The following EYS variants were observed in gnomAD, a reference collection of about 807,000 sequenced individuals.
EYS encodes EGF-like photoreceptor maintenance factor, also known as protein eyes shut homolog.
A neutral mutation model predicts 282.1 loss-of-function variants in EYS; 250 were observed. The observed-to-expected ratio is 0.89, with a 90% CI of 0.80 to 0.98. EYS has a LOEUF of 0.98. Ranked by LOEUF, EYS falls within the 50% of genes least tolerant of loss-of-function variation. The pLI, the probability that EYS is intolerant of heterozygous loss-of-function variation, is 0.00. For missense variants in EYS, 4,016 were observed against 3,709.0 expected (o/e 1.08, Z -2.15); for synonymous variants, 1,355 against 1,282.9 (o/e 1.06, Z -1.20).
Position 64,681,665 on chromosome 6 carries a change from G to A in EYS, c.3444-55420C>T, listed in dbSNP as rs184264140. On this transcript the variant is annotated intron_variant, in intron 22 of 42. Coordinates refer to ENST00000503581, the MANE Select transcript of EYS (RefSeq NM_001142800.2). ...TCCCAACATTTTGGGAGGCTGAGGC[G>A]GGCGCATCACAAGGTCAGGATGTTG... Among the ~76,000 whole-genome samples, 20 of 152,176 alleles carry A rather than the reference G, an allele frequency of 1.3e-4. No homozygotes were observed. In the East Asian group the frequency reaches 2.9e-3, roughly 22 times the overall value.
At chr6:64,028,467 G>A (rs535798374) in intron 33 of EYS, among the ~76,000 whole-genome samples, 22 of 152,324 alleles carry the variant, frequency 1.4e-4, no homozygotes, top group Admixed American at 1.2e-3. Flanking sequence ...TAATGAGGCA[G>A]TAATTCCTCT....
At chr6:64,709,243 A>G (rs1771129278) in intron 22 of EYS, among the ~76,000 whole-genome samples, 3 of 152,164 alleles carry the variant, frequency 2.0e-5, no homozygotes, top group Non-Finnish European at 4.4e-5. Flanking sequence ...GAAAATGTGA[A>G]ATCCTTACAA....
intron 18 of EYS, 110 bp from the exon 19 acceptor site, chr6:64,886,952 A>C: frequency 6.9e-6 from 5 of 723,310 alleles, no homozygotes; most frequent in Non-Finnish European, 8.4e-6. Flanking sequence ...AATTGAAATA[A>C]ATAATATATG....
chr6:63,916,284 A>G (rs1476164188), intron 35 of EYS, among the ~76,000 whole-genome samples: 1 of 152,222 alleles, frequency 6.6e-6, no homozygotes, highest in Non-Finnish European at 1.5e-5. Context: ...TTATTCTGGT[A>G]TAAATGTAGT....
chr6:64,694,781 G>A (rs954131316), intron 22 of EYS, among the ~76,000 whole-genome samples: 1 of 152,170 alleles, frequency 6.6e-6, no homozygotes, highest in African/African-American at 2.4e-5. Context: ...ACTGGATCAG[G>A]AGAAGTTTAG....
chr6:64,252,571 ATCT>A (rs1767258518), intron 30 of EYS, among the ~76,000 whole-genome samples: 1 of 152,126 alleles, frequency 6.6e-6, no homozygotes, highest in East Asian at 1.9e-4. Context: ...ATTAAGTTTA[ATCT>A]TCTTACCATG....
At chr6:65,279,955 A>G (rs1320380246) in intron 12 of EYS, among the ~76,000 whole-genome samples, 3 of 152,206 alleles carry the variant, frequency 2.0e-5, no homozygotes, top group Non-Finnish European at 4.4e-5. Context: ...TGAATAATGA[A>G]TACCTCAGGA....
chr6:65,030,372 G>A (rs1350784786), intron 13 of EYS, among the ~76,000 whole-genome samples: 1 of 152,000 alleles, frequency 6.6e-6, no homozygotes, highest in Non-Finnish European at 1.5e-5. Context: ...ACTACTGCCA[G>A]CATGCACCCA....
chr6:65,018,720 T>A (rs551538176), intron 13 of EYS, among the ~76,000 whole-genome samples: 5 of 152,238 alleles, frequency 3.3e-5, no homozygotes, highest in South Asian at 2.1e-4. Context: ...AGTTTTTTTT[T>A]AAAAGACCAT....
chr6:63,982,969 C>G (rs757381625), intron 35 of EYS, among the ~76,000 whole-genome samples: 3 of 151,688 alleles, frequency 2.0e-5, no homozygotes, highest in African/African-American at 7.3e-5. Context: ...CAGAATTGCA[C>G]GTTCTTCTAT....
intron 13 of EYS, among the ~76,000 whole-genome samples, chr6:65,037,981 G>A (rs1772820989): frequency 6.6e-6 from 1 of 151,564 alleles, no homozygotes; most frequent in African/African-American, 2.4e-5. Context: ...TCCTCCAACA[G>A]TGAGAAACCT....
intron 12 of EYS, among the ~76,000 whole-genome samples, chr6:65,192,329 A>G (rs1003889444): frequency 5.8e-4 from 54 of 92,694 alleles, no homozygotes; most frequent in Non-Finnish European, 8.2e-4. Flanking sequence ...GTGTGTGTGT[A>G]TAATGTGTGG....
chr6:65,264,944 A>G (rs879916341), intron 12 of EYS, among the ~76,000 whole-genome samples: 4 of 151,860 alleles, frequency 2.6e-5, no homozygotes, highest in African/African-American at 4.8e-5. Flanking sequence ...TTTATAAACA[A>G]TATTCTATTG....
chr6:64,748,263 T>G (rs1276038149), intron 22 of EYS, among the ~76,000 whole-genome samples: 1 of 152,222 alleles, frequency 6.6e-6, no homozygotes, highest in Non-Finnish European at 1.5e-5. Context: ...ATGCTGGCAT[T>G]CCAGCTACTC....
At chr6:64,670,457 C>A (rs1019295814) in intron 22 of EYS, among the ~76,000 whole-genome samples, 1 of 146,136 alleles carries the variant, frequency 6.8e-6, no homozygotes, top group Non-Finnish European at 1.5e-5. Flanking sequence ...GAAAAAAAAA[C>A]GTTAATAGCA....
chr6:65,370,401 G>A (rs1298658181), intron 8 of EYS, among the ~76,000 whole-genome samples: 1 of 147,176 alleles, frequency 6.8e-6, no homozygotes, highest in Non-Finnish European at 1.5e-5. Flanking sequence ...GACTATGGAT[G>A]CGTGCCACCA....
At chr6:63,909,501 G>T (rs1296738104) in intron 35 of EYS, among the ~76,000 whole-genome samples, 1 of 152,210 alleles carries the variant, frequency 6.6e-6, no homozygotes, top group East Asian at 1.9e-4. Flanking sequence ...GTATGCTGGA[G>T]TTGGTTTGTA....
intron 19 of EYS, among the ~76,000 whole-genome samples, chr6:64,833,020 C>G (rs1220284015): frequency 6.6e-6 from 1 of 151,892 alleles, no homozygotes; most frequent in African/African-American, 2.4e-5. Context: ...GCCACATTCC[C>G]CATTCCAACT....
intron 33 of EYS, among the ~76,000 whole-genome samples, chr6:64,053,476 T>C (rs978905667): frequency 3.3e-5 from 5 of 152,118 alleles, no homozygotes; most frequent in African/African-American, 1.2e-4. Flanking sequence ...CAATATTGAG[T>C]AGTGATTAGA....
Sources: allele counts gnomAD v4.1 joint callset (sites outside exome capture counted in the v4.1 genomes callset), GRCh38; gene constraint gnomAD v4.1.1; transcripts MANE v1.5; gene names NCBI Gene and HGNC (gene_info 2026-07-23, HGNC 2026-07-21).